FAM20A: variants seen among roughly 807,000 people sequenced by gnomAD.
FAM20A encodes the protein FAM20A golgi associated secretory pathway pseudokinase.
Under a neutral mutation model 52.0 loss-of-function variants are expected in FAM20A, and 42 were observed. The observed-to-expected ratio is 0.81, with a 90% confidence interval of 0.63 to 1.04. FAM20A has a LOEUF of 1.04. Ranked by LOEUF, FAM20A falls within the 50% of genes least tolerant of loss-of-function variation. The probability of loss-of-function intolerance (pLI) is 0.00; values close to 1 mark genes in which losing one functional copy is unlikely to be tolerated. For synonymous variants in FAM20A, 304 were observed against 298.9 expected (o/e 1.02, Z -0.18); for missense variants, 742 against 712.7 (o/e 1.04, Z -0.47).
intron 1 of FAM20A, among the ~76,000 whole-genome samples, chr17:68,563,359 C>T (rs1434424658): frequency 3.5e-5 from 5 of 144,456 alleles, no homozygotes; most frequent in Admixed American, 7.1e-5. Context: ...GCACTCCAGC[C>T]GAGGCAACAA....
Position 68,600,030 on chromosome 17 carries a change from G to A in FAM20A, c.404+233C>T, listed in dbSNP as rs2088567068. Among the ~76,000 whole-genome samples the A allele has an allele frequency of 6.6e-6, 1 of 152,214 alleles. No homozygotes were observed. Among genetic ancestry groups the A allele is most frequent in the African/African-American group, 2.4e-5 (1 of 41,466 alleles). On this transcript the variant is annotated intron_variant, in intron 1 of 10. Coordinates refer to ENST00000592554, the MANE Select transcript of FAM20A (RefSeq NM_017565.4). The surrounding 1 kb of genome is among the most constrained non-coding windows in gnomAD (Gnocchi z 6.2). The stretch of plus-strand genomic sequence containing the variant: ...GGCTGAGAGCGTTTCTTCGCTGTGC[G>A]GCTGCAATAGAAACTTTTTCCTCGT...
At chr17:68,550,045 C>T (rs555920346) in intron 4 of FAM20A, among the ~76,000 whole-genome samples, 11 of 152,226 alleles carry the variant, frequency 7.2e-5, no homozygotes, top group Admixed American at 3.3e-4. Context: ...GCTGGTTTTA[C>T]TGCCTAGTGT....
Position 68,561,338 on chromosome 17 carries a change from C to G in FAM20A, c.405-5595G>C, listed in dbSNP as rs142333623. On this transcript the variant is annotated intron_variant, in intron 1 of 10. Coordinates refer to ENST00000592554, the MANE Select transcript of FAM20A (RefSeq NM_017565.4). ...AGATAAAATGTGTTAGGTATGGGTT[C>G]ACCTTTCTTCCGCCCTCCAGGATGA... Among the ~76,000 whole-genome samples, 1,067 of 152,274 alleles carry G rather than the reference C, an allele frequency of 7.0e-3. 8 individuals are homozygous for G. The highest frequency in any genetic ancestry group is 0.024 in the African/African-American group (991 of 41,552).
chr17:68,555,734 C>A lies in FAM20A; in HGVS notation c.414G>T (p.Lys138Asn). Residue 138 changes from lysine (K) to asparagine (N), a missense_variant, in exon 2 of 11, where the codon AAG becomes AAT. Lys to Asn is a moderately conservative substitution (Grantham distance 94). Transcript: ENST00000592554. ...TAAGGTTCATCTGCTCTCTGTACATCTTGTGTCGCCTGAAAGAGCCAGATA... is the reference window on the plus strand; with the variant it reads ...TAAGGTTCATCTGCTCTCTGTACATATTGTGTCGCCTGAAAGAGCCAGATA... ...RKVARWNRRH[K>N]MYREQMNLTS... 6.2e-7 allele frequency: 1 copy of A among 1,614,024 alleles called. No individual in the cohort carries two copies. The highest frequency in any genetic ancestry group is 8.5e-7 in the Non-Finnish European group (1 of 1,180,036).
chr17:68,541,965 T>TG lies in FAM20A; in HGVS notation c.1109+19dup. 6.2e-7 allele frequency: 1 copy of TG among 1,609,348 alleles called. No individual in the cohort carries two copies. Among genetic ancestry groups the TG allele is most frequent in the Non-Finnish European group, 8.5e-7 (1 of 1,177,290 alleles). On this transcript the variant is annotated intron_variant, in intron 7 of 10. Transcript: ENST00000592554. ...GGCTACTGTCAAGGACTGGGCTGTG[T>TG]GGCCTGGGGACCAACTCACTCCTCT...
intron 1 of FAM20A, among the ~76,000 whole-genome samples, chr17:68,576,448 A>G (rs918585489): frequency 1.1e-4 from 17 of 152,154 alleles, no homozygotes; most frequent in African/African-American, 3.9e-4. Flanking sequence ...GCTCTTCATC[A>G]TGACCCTACG....
intron 3 of FAM20A, among the ~76,000 whole-genome samples, chr17:68,553,895 T>TATATGCATATATACATATATACACAC (rs1329749374): frequency 3.0e-5 from 4 of 131,986 alleles, no homozygotes; most frequent in South Asian, 2.3e-4. Context: ...TATATACACA[T>TATATGCATATATACATATATACACAC]ATATGCATAT....
At position 68,535,874 on chromosome 17, in the gene FAM20A, C is replaced by T; in HGVS notation, c.*1603G>A. The T allele has an allele frequency of 4.4e-6, 2 of 453,864 alleles. No individual in the cohort carries two copies. Among genetic ancestry groups the T allele is most frequent in the South Asian group, 3.1e-5 (2 of 64,466 alleles). The allele number at this position is 453,864 out of a possible 1,614,324, so 28.1% of individuals were successfully genotyped here. A position where few individuals can be genotyped will look rare whatever the true frequency, so the allele number is the denominator to read the frequency against. On this transcript the variant is annotated 3_prime_UTR_variant, in exon 11 of 11. Coordinates refer to ENST00000592554, the MANE Select transcript of FAM20A (RefSeq NM_017565.4). ...TGGGATACTGTTGGGTTTTGTGTTA[C>T]AGTGAAAAGAAGACTTTGGAATAGG...
At position 68,536,841 on chromosome 17, in the gene FAM20A, C is replaced by T. The variant is rs1568714089; in HGVS notation, c.*636G>A. On this transcript the variant is annotated 3_prime_UTR_variant, in exon 11 of 11. Transcript: ENST00000592554. ...CTCTTCAAATTGGAACACTCCTTTT[C>T]TGATATTCTTAGCAAATCCCTCTTT... The T allele has an allele frequency of 4.4e-6, 2 of 453,900 alleles. No homozygotes were observed. Among genetic ancestry groups the T allele is most frequent in the Non-Finnish European group, 4.4e-6 (1 of 226,784 alleles). The allele number at this position is 453,900 out of a possible 1,614,324, so 28.1% of individuals were successfully genotyped here.
chr17:68,561,139 A>G (rs1015904866), intron 1 of FAM20A, among the ~76,000 whole-genome samples: 1 of 152,216 alleles, frequency 6.6e-6, no homozygotes, highest in Non-Finnish European at 1.5e-5. Context: ...TTGATTTTTT[A>G]TAAGGTTGAA....
chr17:68,548,923 G>A (rs562063258), intron 4 of FAM20A, among the ~76,000 whole-genome samples: 9 of 151,542 alleles, frequency 5.9e-5, no homozygotes, highest in East Asian at 2.0e-4. Context: ...TAGTAGAGAC[G>A]GGGTTTCACC....
intron 1 of FAM20A, among the ~76,000 whole-genome samples, chr17:68,573,430 C>T (rs1312471820): frequency 7.5e-6 from 1 of 132,472 alleles, no homozygotes; most frequent in African/African-American, 3.2e-5. Context: ...CCTTTCTTTC[C>T]TTTCTCTTTC....
At chr17:68,546,261 C>A (rs1293633758) in intron 4 of FAM20A, among the ~76,000 whole-genome samples, 1 of 151,334 alleles carries the variant, frequency 6.6e-6, no homozygotes, top group Non-Finnish European at 1.5e-5. Context: ...TTTCAGACTC[C>A]ACTTCTAATT....
rs1048809062 is a variant in FAM20A at position 68,536,384 on chromosome 17, A to C, written c.*1093T>G. On this transcript the variant is annotated 3_prime_UTR_variant, in exon 11 of 11. Transcript: ENST00000592554. The stretch of plus-strand genomic sequence containing the variant: ...TTGTGTTTTCGGTCATTAATTATGG[A>C]ATAAGAAACAAAGCCTCCTATTAAA... 11 of 454,018 alleles carry C rather than the reference A, an allele frequency of 2.4e-5. No individual in the cohort carries two copies. Among genetic ancestry groups the C allele is most frequent in the African/African-American group, 2.2e-4 (11 of 50,004 alleles). 28.1% of individuals were successfully genotyped at this position (454,018 alleles called of 1,614,324 possible).
chr17:68,537,306 A>C lies in FAM20A; in HGVS notation c.*171T>G, dbSNP rs1158885785. ...GCACGACAGAAGCGGTGCACCAAGG[A>C]GTAAAGATTCAGTTCCATGGGCCCC... is the stretch of plus-strand genomic sequence containing the variant. On this transcript the variant is annotated 3_prime_UTR_variant, in exon 11 of 11. Coordinates refer to ENST00000592554, the MANE Select transcript of FAM20A (RefSeq NM_017565.4). The surrounding 1 kb of genome is among the most constrained non-coding windows in gnomAD (Gnocchi z 4.2). The C allele has an allele frequency of 1.2e-6, 1 of 844,510 alleles. No homozygotes were observed. Among genetic ancestry groups the C allele is most frequent in the Non-Finnish European group, 1.9e-6 (1 of 515,712 alleles). 52.3% of individuals were successfully genotyped at this position (844,510 alleles called of 1,614,324 possible).
At chr17:68,585,739 G>A (rs2088148211) in intron 1 of FAM20A, among the ~76,000 whole-genome samples, 1 of 152,192 alleles carries the variant, frequency 6.6e-6, no homozygotes, top group Non-Finnish European at 1.5e-5. Context: ...CAAGAAAGCA[G>A]GCTTGATCAC....
At chr17:68,583,336 A>C (rs1235951410) in intron 1 of FAM20A, among the ~76,000 whole-genome samples, 2 of 152,144 alleles carry the variant, frequency 1.3e-5, no homozygotes, top group Non-Finnish European at 2.9e-5. Flanking sequence ...AAATCAAGGT[A>C]GCAATAGGAC....
At chr17:68,547,275 T>G (rs767979198) in intron 4 of FAM20A, among the ~76,000 whole-genome samples, 7 of 152,194 alleles carry the variant, frequency 4.6e-5, no homozygotes, top group Non-Finnish European at 1.0e-4. Flanking sequence ...ATTATTATTA[T>G]TATTTTTTTA....
intron 1 of FAM20A, among the ~76,000 whole-genome samples, chr17:68,583,450 G>A (rs1010018129): frequency 2.6e-5 from 4 of 151,956 alleles, no homozygotes; most frequent in Non-Finnish European, 5.9e-5. Context: ...CTCTACTCTC[G>A]GCCTTTGTGG....
Sources: gnomAD v4.1 joint callset for allele counts (sites outside exome capture counted in the v4.1 genomes callset) on GRCh38, gnomAD v4.1.1 for gene constraint, Gnocchi (gnomAD v3.1) non-coding constraint, MANE v1.5 for transcripts, NCBI Gene and HGNC (gene_info 2026-07-23, HGNC 2026-07-21) for gene names.